The following ZBTB7C variants were observed in gnomAD, a reference collection of about 807,000 sequenced individuals.
ZBTB7C encodes the protein zinc finger and BTB domain-containing protein 7C.
A neutral mutation model predicts 25.7 loss-of-function variants in ZBTB7C; 8 were observed. The ratio of observed to expected loss-of-function variants is 0.31; its 90% CI spans 0.18 to 0.56. The LOEUF is 0.56. Ranked by LOEUF, ZBTB7C falls within the 20% of genes least tolerant of loss-of-function variation. The pLI is 0.91. For missense variants in ZBTB7C, 824 were observed against 855.2 expected, an observed-to-expected ratio of 0.96 and a Z score of 0.46; for synonymous variants, 394 against 369.0, an observed-to-expected ratio of 1.07 and a Z score of -0.78.
At chr18:48,319,112 C>CTG (rs143825394) in intron 2 of ZBTB7C, among the ~76,000 whole-genome samples, 6,774 of 147,410 alleles carry the variant, frequency 0.046, 213 homozygotes, top group African/African-American at 0.091. Context: ...CAGAATGCCT[C>CTG]TGTGTGTGTG....
chr18:48,230,916 G>A (rs1165657298), intron 2 of ZBTB7C, among the ~76,000 whole-genome samples: 1 of 152,170 alleles, frequency 6.6e-6, no homozygotes, highest in African/African-American at 2.4e-5. Context: ...CAAAGTTGTG[G>A]CCAAGCCTGG....
In ZBTB7C at chr18:48,179,484, G is replaced by C. The variant is rs981692671; in HGVS notation, c.-17+6450C>G. Among the ~76,000 whole-genome samples the C allele has an allele frequency of 2.0e-5, 3 of 152,108 alleles. No homozygotes were observed. The East Asian group carries it at 5.8e-4, about 29-fold the overall frequency. ...GGGGCTGGGTGGGCTTCCCAGGGCTGGTGGGATCAGACAGGTGGTTAAGCA... is the reference window on the plus strand; with the variant it reads ...GGGGCTGGGTGGGCTTCCCAGGGCTCGTGGGATCAGACAGGTGGTTAAGCA... On this transcript the variant is annotated intron_variant, in intron 3 of 4. Transcript: ENST00000590800.
At chr18:48,155,208 T>C (rs2040800589) in intron 3 of ZBTB7C, among the ~76,000 whole-genome samples, 1 of 152,096 alleles carries the variant, frequency 6.6e-6, no homozygotes, top group South Asian at 2.1e-4. Flanking sequence ...ACAGGAACAT[T>C]TGTCCTATGT....
At chr18:48,326,135 AC>A (rs2046214304) in intron 2 of ZBTB7C, among the ~76,000 whole-genome samples, 1 of 132,810 alleles carries the variant, frequency 7.5e-6, no homozygotes, top group Non-Finnish European at 1.5e-5. Flanking sequence ...TTGCTCTGTC[AC>A]CAACTCTGGA....
chr18:48,161,819 C>A (rs1046670992), intron 3 of ZBTB7C, among the ~76,000 whole-genome samples: 12 of 151,772 alleles, frequency 7.9e-5, no homozygotes, highest in Non-Finnish European at 1.2e-4. Context: ...GCCTCTCTCT[C>A]CTCCTGCGGG....
At chr18:48,119,000 T>C (rs191279536) in intron 3 of ZBTB7C, among the ~76,000 whole-genome samples, 2 of 152,258 alleles carry the variant, frequency 1.3e-5, no homozygotes, top group East Asian at 1.9e-4. Context: ...TAAATTATTT[T>C]ATAACTAAAA....
At chr18:48,140,566 C>T (rs2040309622) in intron 3 of ZBTB7C, among the ~76,000 whole-genome samples, 1 of 152,202 alleles carries the variant, frequency 6.6e-6, no homozygotes, top group African/African-American at 2.4e-5. Context: ...CCCTAAGGGG[C>T]AGTGTGGTTT....
At chr18:48,089,791 C>CTAAA (rs113843130) in intron 3 of ZBTB7C, among the ~76,000 whole-genome samples, 2,994 of 141,334 alleles carry the variant, frequency 0.021, 89 homozygotes, top group East Asian at 0.18. Flanking sequence ...GATAGAAAGC[C>CTAAA]TAAACAAACA....
At chr18:48,032,668 C>G (rs1446812007) in intron 4 of ZBTB7C, among the ~76,000 whole-genome samples, 1 of 151,912 alleles carries the variant, frequency 6.6e-6, no homozygotes, top group Non-Finnish European at 1.5e-5. Flanking sequence ...GATCTCCTGA[C>G]CTCGTGATCT....
At position 48,396,729 on chromosome 18, in the gene ZBTB7C, A is replaced by G. The variant is rs73437408; in HGVS notation, c.-304+12497T>C. Among the ~76,000 whole-genome samples the G allele has an allele frequency of 6.0e-3, 918 of 152,258 alleles. 10 individuals carry two copies. Among genetic ancestry groups the G allele is most frequent in the African/African-American group, 0.021 (876 of 41,534 alleles). On this transcript the variant is annotated intron_variant, in intron 1 of 4. Coordinates refer to ENST00000590800, the MANE Select transcript of ZBTB7C (RefSeq NM_001318841.2). ...CAACTCCTTCACTCTGTTCCTGTCC[A>G]CTCATCACCCCAACAACACATATTA... is the stretch of plus-strand genomic sequence containing the variant.
chr18:48,254,297 T>A (rs1282444310), intron 2 of ZBTB7C, among the ~76,000 whole-genome samples: 1 of 152,166 alleles, frequency 6.6e-6, no homozygotes, highest in African/African-American at 2.4e-5. Flanking sequence ...TCTTCCCTTC[T>A]CTCTTTGCCA....
chr18:48,296,840 C>T (rs2045407026), intron 2 of ZBTB7C, among the ~76,000 whole-genome samples: 1 of 152,110 alleles, frequency 6.6e-6, no homozygotes, highest in African/African-American at 2.4e-5. Context: ...GAGAGTCTCA[C>T]AGGAGCGCGA....
At chr18:48,054,777 A>G (rs998114706) in intron 3 of ZBTB7C, among the ~76,000 whole-genome samples, 2 of 152,166 alleles carry the variant, frequency 1.3e-5, no homozygotes, top group Admixed American at 1.3e-4. Context: ...GCACTGAGAA[A>G]GCCCAAGCGT....
At chr18:48,384,868 G>A (rs535278959) in intron 1 of ZBTB7C, among the ~76,000 whole-genome samples, 2 of 152,176 alleles carry the variant, frequency 1.3e-5, no homozygotes, top group East Asian at 3.9e-4. Context: ...TTTTAGTAGA[G>A]ACGAGGCTTC....
Position 48,040,463 on chromosome 18 carries a change from A to T in ZBTB7C, c.645T>A (p.Ser215Arg). 6.2e-7 allele frequency: 1 copy of T among 1,608,266 alleles called. No homozygotes were observed. The highest frequency in any genetic ancestry group is 8.5e-7 in the Non-Finnish European group (1 of 1,176,908). The part of the protein sequence containing the change: ...RDFPDSFQAG[S>R]PGHLGVIRDF... ...CCCGGATCACCCCCAGATGGCCAGG[A>T]CTGCCAGCCTGGAAGGAGTCAGGGA... The change falls in exon 4 of 5, where the codon AGT becomes AGA. Residue 215 changes from serine to arginine, a missense_variant. Ser to Arg is a moderately radical substitution (Grantham distance 110). This residue lies in a region of ZBTB7C where 316 missense variants were observed against 299.2 expected (regional missense o/e 1.06). Coordinates refer to ENST00000590800, the MANE Select transcript of ZBTB7C (RefSeq NM_001318841.2).
intron 3 of ZBTB7C, among the ~76,000 whole-genome samples, chr18:48,111,251 C>T (rs11878139): frequency 0.017 from 2,653 of 152,230 alleles, 72 homozygotes; most frequent in African/African-American, 0.06. Flanking sequence ...GCTCAAGCAA[C>T]GTTTGTTGAT....
intron 3 of ZBTB7C, among the ~76,000 whole-genome samples, chr18:48,088,738 G>A (rs2038290634): frequency 1.3e-5 from 2 of 152,134 alleles, no homozygotes; most frequent in Admixed American, 6.5e-5. Context: ...GCTGAGGCAC[G>A]AGAATCGCTC....
At chr18:48,113,284 G>A (rs2039310901) in intron 3 of ZBTB7C, among the ~76,000 whole-genome samples, 1 of 152,142 alleles carries the variant, frequency 6.6e-6, no homozygotes, top group African/African-American at 2.4e-5. Context: ...AATACCCCCT[G>A]GTCTGTCTTT....
intron 1 of ZBTB7C, among the ~76,000 whole-genome samples, chr18:48,408,156 T>C (rs2048324810): frequency 6.6e-6 from 1 of 152,116 alleles, no homozygotes; most frequent in African/African-American, 2.4e-5. Flanking sequence ...CCAGCTCCCC[T>C]CGGCCTTGCG....
Sources: allele counts gnomAD v4.1 joint callset (sites outside exome capture counted in the v4.1 genomes callset), GRCh38; gene constraint gnomAD v4.1.1; regional missense constraint gnomAD v4.1.1; transcripts MANE v1.5; gene names NCBI Gene and HGNC (gene_info 2026-07-23, HGNC 2026-07-21).